The following OPCML variants were observed in gnomAD, a reference collection of about 807,000 sequenced individuals.
The protein encoded by OPCML is opioid-binding protein/cell adhesion molecule.
Under a neutral mutation model 37.8 loss-of-function variants are expected in OPCML, and 13 were observed. The observed-to-expected ratio is 0.34, with a 90% CI of 0.22 to 0.55. OPCML has a LOEUF of 0.55. Among genes scored for constraint, OPCML ranks in the 20% least tolerant of loss-of-function variants. The probability of loss-of-function intolerance (pLI) is 0.91; values close to 1 mark genes in which losing one functional copy is unlikely to be tolerated. For synonymous variants in OPCML, 176 were observed against 168.8 expected (o/e 1.04, Z -0.33); for missense variants, 341 against 435.6 (o/e 0.78, Z 1.93).
chr11:133,318,322 G>A (rs533110933), intron 1 of OPCML, among the ~76,000 whole-genome samples: 260 of 152,262 alleles, frequency 1.7e-3, no homozygotes, highest in Middle Eastern at 0.01. Context: ...GTCAGTTTAC[G>A]AAGAACTCCT....
chr11:132,485,292 G>A (rs541975808), intron 4 of OPCML, among the ~76,000 whole-genome samples: 5 of 152,210 alleles, frequency 3.3e-5, no homozygotes, highest in African/African-American at 1.2e-4. Flanking sequence ...CCAGGACTGG[G>A]GCAGGAGCTA....
chr11:133,007,191 T>A, intron 1 of OPCML: 8 of 985,468 alleles, frequency 8.1e-6, no homozygotes, highest in Non-Finnish European at 9.6e-6. Flanking sequence ...CTGTCTCACA[T>A]AGCACAGTAC....
intron 7 of OPCML, among the ~76,000 whole-genome samples, chr11:132,423,985 C>T (rs1488365945): frequency 6.6e-6 from 1 of 152,150 alleles, no homozygotes; most frequent in Non-Finnish European, 1.5e-5. Context: ...TGGACTTCTC[C>T]AGGTACTTGG....
chr11:132,510,290 G>A (rs924821104), intron 4 of OPCML, among the ~76,000 whole-genome samples: 1 of 152,120 alleles, frequency 6.6e-6, no homozygotes, highest in Non-Finnish European at 1.5e-5. Context: ...TAGGTGGAAG[G>A]GACTTGTCTT....
chr11:132,748,000 T>C (rs907093574), intron 2 of OPCML, among the ~76,000 whole-genome samples: 2 of 152,122 alleles, frequency 1.3e-5, no homozygotes, highest in African/African-American at 4.8e-5. Flanking sequence ...ATCCTGATCT[T>C]ACTCCAATAG....
intron 3 of OPCML, among the ~76,000 whole-genome samples, chr11:132,568,103 A>G (rs955100456): frequency 6.6e-6 from 1 of 152,036 alleles, no homozygotes; most frequent in Non-Finnish European, 1.5e-5. Flanking sequence ...AAACTTTCCT[A>G]TTAAGCACCA....
chr11:133,090,713 TATATGAAA>T (rs1948892778), intron 1 of OPCML, among the ~76,000 whole-genome samples: 1 of 152,126 alleles, frequency 6.6e-6, no homozygotes, highest in Non-Finnish European at 1.5e-5. Flanking sequence ...CCTGACAGCT[TATATGAAA>T]ATATGAGAAG....
At chr11:133,198,512 C>A (rs565092941) in intron 1 of OPCML, among the ~76,000 whole-genome samples, 2 of 152,078 alleles carry the variant, frequency 1.3e-5, no homozygotes, top group Non-Finnish European at 2.9e-5. Context: ...ATGAAAGAGC[C>A]GGAAATGAGA....
intron 3 of OPCML, among the ~76,000 whole-genome samples, chr11:132,624,844 A>G (rs1450503858): frequency 6.6e-6 from 1 of 152,118 alleles, no homozygotes; most frequent in African/African-American, 2.4e-5. Flanking sequence ...CAAACATGCC[A>G]CGTTATTAGG....
chr11:133,217,343 C>G (rs1173059590), intron 1 of OPCML, among the ~76,000 whole-genome samples: 1 of 152,186 alleles, frequency 6.6e-6, no homozygotes, highest in Non-Finnish European at 1.5e-5. Flanking sequence ...GAATTGGGGT[C>G]CCAGTGTTTT....
chr11:133,374,927 A>G (rs764006487), intron 1 of OPCML, among the ~76,000 whole-genome samples: 2 of 152,166 alleles, frequency 1.3e-5, no homozygotes, highest in Non-Finnish European at 2.9e-5. Flanking sequence ...TTTATGTGTA[A>G]GACTCAATTT....
chr11:132,954,577 C>T (rs546687337), intron 1 of OPCML, among the ~76,000 whole-genome samples: 268 of 152,160 alleles, frequency 1.8e-3, no homozygotes, highest in Middle Eastern at 3.4e-3. Flanking sequence ...GAGGGCAGGG[C>T]GTTAAACATT....
chr11:132,427,292 T>C (rs927676864), intron 7 of OPCML, among the ~76,000 whole-genome samples: 1 of 152,228 alleles, frequency 6.6e-6, no homozygotes, highest in Non-Finnish European at 1.5e-5. Context: ...CTGTGTGACC[T>C]TCCTAATGAG....
At chr11:132,423,842 G>A (rs981294107) in intron 7 of OPCML, among the ~76,000 whole-genome samples, 1 of 152,154 alleles carries the variant, frequency 6.6e-6, no homozygotes, top group Non-Finnish European at 1.5e-5. Context: ...CTGTGTGACA[G>A]GGGAGGACAT....
chr11:133,270,380 A>G lies in OPCML; in HGVS notation c.61+261884T>C, dbSNP rs562977731. 3.9e-5 allele frequency among the ~76,000 whole-genome samples: 6 copies of G among 152,202 alleles called. No individual in the cohort carries two copies. In the South Asian group the frequency reaches 1.2e-3, roughly 32 times the overall value. On this transcript the variant is annotated intron_variant, in intron 1 of 7. Coordinates refer to ENST00000524381, the MANE Select transcript of OPCML (RefSeq NM_001012393.5). ...AGTTGGGACAAAGAAAAAAAAAACC[A>G]TCTCTTTGTTCATCTGGAAAATGAG... is the stretch of plus-strand genomic sequence containing the variant.
At chr11:132,580,028 T>C (rs1591579765) in intron 3 of OPCML, among the ~76,000 whole-genome samples, 4 of 152,240 alleles carry the variant, frequency 2.6e-5, no homozygotes, top group Admixed American at 2.6e-4. Context: ...CCCCATAACA[T>C]CCACATCTCC....
rs562708151 is a variant in OPCML, at chr11:133,224,570, T to C, written c.62-281560A>G. Among the ~76,000 whole-genome samples the C allele has an allele frequency of 8.5e-5, 13 of 152,328 alleles. No individual in the cohort carries two copies. In the East Asian group the frequency reaches 1.2e-3, roughly 14 times the overall value. ...CCCTGTAGCCTGCCCAGATCCTGCC[T>C]GAACCCAGCCCAAAGAGATGGTTGT... On this transcript the variant is annotated intron_variant, in intron 1 of 7. Coordinates refer to ENST00000524381, the MANE Select transcript of OPCML (RefSeq NM_001012393.5).
intron 2 of OPCML, among the ~76,000 whole-genome samples, chr11:132,825,168 C>T (rs1042390184): frequency 1.3e-5 from 2 of 152,162 alleles, no homozygotes; most frequent in African/African-American, 4.8e-5. Context: ...CCTTTTCTGT[C>T]CATCTCTAAG....
intron 4 of OPCML, among the ~76,000 whole-genome samples, chr11:132,457,137 T>A (rs1485680985): frequency 6.6e-6 from 1 of 152,090 alleles, no homozygotes; most frequent in Non-Finnish European, 1.5e-5. Context: ...ATCAACACAT[T>A]TTGAAAGGGC....
Sources: gnomAD v4.1 joint callset for allele counts (sites outside exome capture counted in the v4.1 genomes callset) on GRCh38, gnomAD v4.1.1 for gene constraint, MANE v1.5 for transcripts, NCBI Gene and HGNC (gene_info 2026-07-23, HGNC 2026-07-21) for gene names.